DPF3: variants seen among roughly 807,000 people sequenced by gnomAD.
The protein encoded by DPF3 is zinc finger protein DPF3.
A neutral mutation model predicts 56.8 loss-of-function variants in DPF3; 18 were observed. The observed-to-expected ratio is 0.32, with a 90% CI of 0.22 to 0.47. The LOEUF (loss-of-function observed/expected upper bound fraction) is 0.47, where lower values mean the gene tolerates loss of function less well. DPF3 is among the 20% of genes least tolerant of loss of function. The probability of loss-of-function intolerance (pLI) is 1.00; values close to 1 mark genes in which losing one functional copy is unlikely to be tolerated. For missense variants in DPF3, 403 were observed against 488.8 expected, an observed-to-expected ratio of 0.82 and a Z score of 1.65; for synonymous variants, 188 against 180.2, an observed-to-expected ratio of 1.04 and a Z score of -0.35.
chr14:72,672,446 A>T (rs1309603527), intron 8 of DPF3, among the ~76,000 whole-genome samples: 1 of 152,152 alleles, frequency 6.6e-6, no homozygotes, highest in African/African-American at 2.4e-5. Flanking sequence ...TAACAAGCAC[A>T]TCTCATCTCA....
Position 72,647,995 on chromosome 14 carries a change from G to A in DPF3, c.872-18259C>T, listed in dbSNP as rs529153358. ...TTAGATTCCACATCCAGCCTTGCAC[G>A]TGTCTGCCTACCCCTCTACCCCTTT... On this transcript the variant is annotated intron_variant, in intron 8 of 10. Coordinates refer to ENST00000556509, the MANE Select transcript of DPF3 (RefSeq NM_001280542.3). 8.2e-4 allele frequency among the ~76,000 whole-genome samples: 125 copies of A among 152,190 alleles called. 1 individual carries two copies. Among genetic ancestry groups the A allele is most frequent in the Non-Finnish European group, 1.1e-3 (73 of 68,006 alleles).
chr14:72,640,583 A>G (rs750276570), intron 8 of DPF3, among the ~76,000 whole-genome samples: 14 of 152,226 alleles, frequency 9.2e-5, no homozygotes, highest in Non-Finnish European at 1.5e-4. Context: ...GAGAGGTAGA[A>G]TTGGTCAATA....
chr14:72,691,064 C>G (rs1887659724), intron 7 of DPF3, among the ~76,000 whole-genome samples: 2 of 152,182 alleles, frequency 1.3e-5, no homozygotes, highest in Non-Finnish European at 2.9e-5. Flanking sequence ...CCAAGGAAAG[C>G]TCTTCCCAGA....
rs35754238 is a variant in DPF3 at position 72,750,791 on chromosome 14, C to CAAAAAA, written c.301+2467_301+2472dup. 9.9e-4 allele frequency among the ~76,000 whole-genome samples: 65 copies of CAAAAAA among 65,942 alleles called. 6 individuals are homozygous for CAAAAAA. Among genetic ancestry groups the CAAAAAA allele is most frequent in the African/African-American group, 3.6e-3 (54 of 14,946 alleles). The allele number at this position is 65,942 out of a possible 152,430, so 43.3% of individuals were successfully genotyped here. A position where few individuals can be genotyped will look rare whatever the true frequency, so the allele number is the denominator to read the frequency against. On this transcript the variant is annotated intron_variant, in intron 3 of 10. Transcript: ENST00000556509. ...CATGGATTATCTCTTGAAAGAATCT[C>CAAAAAA]AAAAAAAAAAAAAAAAAAAAAAAAA...
intron 8 of DPF3, among the ~76,000 whole-genome samples, chr14:72,645,237 A>C (rs1885685073): frequency 6.6e-6 from 1 of 152,166 alleles, no homozygotes; most frequent in East Asian, 1.9e-4. Context: ...GGTTGGACTC[A>C]AGTATTGCTA....
chr14:72,856,802 G>T (rs967137792), intron 1 of DPF3, among the ~76,000 whole-genome samples: 1 of 152,196 alleles, frequency 6.6e-6, no homozygotes, highest in African/African-American at 2.4e-5. Flanking sequence ...AGGCTATATA[G>T]CTCTGTGCGG....
At chr14:72,719,270 G>C (rs34910617) in intron 5 of DPF3, among the ~76,000 whole-genome samples, 45,917 of 150,538 alleles carry the variant, frequency 0.31, 7,372 homozygotes, top group East Asian at 0.46. Context: ...CATGTTGCCC[G>C]CAGGCTGGTC....
intron 1 of DPF3, among the ~76,000 whole-genome samples, chr14:72,795,289 A>ATATATATATATATATATAT (rs1179925797): frequency 1.3e-4 from 15 of 119,260 alleles, no homozygotes; most frequent in Admixed American, 3.4e-4. Flanking sequence ...AAAAAAAAAA[A>ATATATATATATATATATAT]AAAAAAATAT....
intron 1 of DPF3, among the ~76,000 whole-genome samples, chr14:72,839,257 G>T (rs1599486629): frequency 6.6e-6 from 1 of 151,892 alleles, no homozygotes; most frequent in South Asian, 2.1e-4. Flanking sequence ...GAACAAAATC[G>T]TATTCCCATT....
At chr14:72,837,772 A>G (rs1240415094) in intron 1 of DPF3, among the ~76,000 whole-genome samples, 1 of 152,128 alleles carries the variant, frequency 6.6e-6, no homozygotes, top group Non-Finnish European at 1.5e-5. Flanking sequence ...GAAAAAAAAG[A>G]TCACTGTTCA....
At chr14:72,716,867 G>A (rs746948325) in intron 5 of DPF3, among the ~76,000 whole-genome samples, 8 of 152,114 alleles carry the variant, frequency 5.3e-5, no homozygotes, top group African/African-American at 1.4e-4. Context: ...GGAGCTCATC[G>A]ACTGACCCCT....
At chr14:72,881,119 G>A (rs1886305439) in intron 1 of DPF3, among the ~76,000 whole-genome samples, 1 of 152,196 alleles carries the variant, frequency 6.6e-6, no homozygotes, top group African/African-American at 2.4e-5. Flanking sequence ...TCATCCTCCT[G>A]CAGCTCCAAA....
At chr14:72,731,712 T>C in intron 4 of DPF3, 95 bp downstream of exon 4, 1 of 1,537,824 alleles carries the variant, frequency 6.5e-7, no homozygotes, top group Non-Finnish European at 8.8e-7. Flanking sequence ...CCCCGGCCCT[T>C]GAGGGGAGGA....
chr14:72,824,134 A>G (rs1883679081), intron 1 of DPF3, among the ~76,000 whole-genome samples: 2 of 152,208 alleles, frequency 1.3e-5, no homozygotes, highest in Non-Finnish European at 2.9e-5. Flanking sequence ...GGTACCACCA[A>G]GGAGAGCAAA....
intron 1 of DPF3, among the ~76,000 whole-genome samples, chr14:72,790,243 A>T (rs976539777): frequency 3.3e-5 from 5 of 152,150 alleles, no homozygotes; most frequent in African/African-American, 9.7e-5. Context: ...AATAAATAAA[A>T]AATAATTAAT....
chr14:72,860,811 C>G (rs1357188990), intron 1 of DPF3, among the ~76,000 whole-genome samples: 1 of 152,074 alleles, frequency 6.6e-6, no homozygotes. Context: ...GGTAATCCAC[C>G]CACCTCAGCC....
At chr14:72,647,219 C>G (rs1187428984) in intron 8 of DPF3, among the ~76,000 whole-genome samples, 1 of 152,226 alleles carries the variant, frequency 6.6e-6, no homozygotes, top group African/African-American at 2.4e-5. Context: ...CCAAGGTTTA[C>G]CACTCTTCTG....
chr14:72,884,624 C>T (rs895549511), intron 1 of DPF3, among the ~76,000 whole-genome samples: 2 of 151,722 alleles, frequency 1.3e-5, no homozygotes, highest in African/African-American at 2.4e-5. Flanking sequence ...TAACTCCTGC[C>T]CCCCAAGCTA....
At chr14:72,798,183 G>A (rs1466886520) in intron 1 of DPF3, among the ~76,000 whole-genome samples, 2 of 147,488 alleles carry the variant, frequency 1.4e-5, no homozygotes, top group Non-Finnish European at 3.0e-5. Context: ...GAACCCGGGA[G>A]GTGGAGGTTG....
Sources: gnomAD v4.1 joint callset for allele counts (sites outside exome capture counted in the v4.1 genomes callset) on GRCh38, gnomAD v4.1.1 for gene constraint, MANE v1.5 for transcripts, NCBI Gene and HGNC (gene_info 2026-07-23, HGNC 2026-07-21) for gene names.